MN1: variants seen among roughly 807,000 people sequenced by gnomAD.
MN1 encodes the protein MN1 proto-oncogene, transcriptional regulator.
In MN1, 19 loss-of-function variants were observed where a neutral mutation model predicts 86.9. The observed-to-expected ratio is 0.22, with a 90% confidence interval of 0.15 to 0.32. MN1 has a LOEUF of 0.32. MN1 is among the 10% of genes least tolerant of loss of function. The probability of loss-of-function intolerance (pLI) is 1.00; values close to 1 mark genes in which losing one functional copy is unlikely to be tolerated. For missense variants in MN1, 1,841 were observed against 1,862.0 expected (o/e 0.99, Z 0.21); for synonymous variants, 928 against 849.6 (o/e 1.09, Z -1.60).
Position 27,797,568 on chromosome 22 carries a change from G to A in MN1, c.2976C>T (p.Gly992=), listed in dbSNP as rs532575594. 7 of 1,604,746 alleles carry A rather than the reference G, an allele frequency of 4.4e-6. No homozygotes were observed. In the East Asian group the frequency reaches 9.0e-5, roughly 21 times the overall value. The change falls in exon 1 of 2, where the codon GGC becomes GGT. Residue 992 remains glycine (G), a synonymous_variant. Coordinates refer to ENST00000302326, the MANE Select transcript of MN1 (RefSeq NM_002430.3). ...GGGGCGTCGGTGCCCCGCGCGTCTC[G>A]CCTGCGGAGCTTCCCCCGACGGCTG... The part of the protein sequence containing the change: ...SGAAVGGSSA[G]ETRGAPTPHE...
At chr22:27,774,534 G>A (rs943872852) in intron 1 of MN1, among the ~76,000 whole-genome samples, 4 of 152,304 alleles carry the variant, frequency 2.6e-5, no homozygotes, top group East Asian at 1.9e-4. Flanking sequence ...GGCTATCCAC[G>A]GAGGTGTTGA....
chr22:27,786,170 G>A (rs1007330967), intron 1 of MN1, among the ~76,000 whole-genome samples: 2 of 152,182 alleles, frequency 1.3e-5, no homozygotes, highest in African/African-American at 4.8e-5. Context: ...TTTTTGAGTG[G>A]AATTTTAGCC....
intron 1 of MN1, among the ~76,000 whole-genome samples, chr22:27,795,740 C>T (rs183664430): frequency 6.3e-4 from 95 of 151,982 alleles, no homozygotes; most frequent in African/African-American, 1.8e-3. Context: ...CACACACACA[C>T]GCACTTTATA....
chr22:27,773,508 C>G (rs891494367), intron 1 of MN1, among the ~76,000 whole-genome samples: 1 of 152,210 alleles, frequency 6.6e-6, no homozygotes, highest in Non-Finnish European at 1.5e-5. Flanking sequence ...CTCACGTGCT[C>G]GCCGCACTTA....
chr22:27,780,215 G>A (rs559596845), intron 1 of MN1, among the ~76,000 whole-genome samples: 15 of 152,054 alleles, frequency 9.9e-5, no homozygotes, highest in African/African-American at 2.7e-4. Context: ...CCTGGCTCCC[G>A]GCCACACTTT....
rs774495708 is a variant in MN1, at chr22:27,800,304, T to C, written c.240A>G (p.Ala80=). ...GCACAGGCTGCGCTTGCAGCCCCCC[T>C]GCGTGCAACTCCGAGTGGCCGCGCG... The part of the protein sequence containing the change: ...FHARGHSELH[A]GGLQAQPVHG... Residue 80 remains alanine, a synonymous_variant, in exon 1 of 2, where the codon GCA becomes GCG. Transcript: ENST00000302326. 2.5e-4 allele frequency: 387 copies of C among 1,576,868 alleles called. No homozygotes were observed. Among genetic ancestry groups the C allele is most frequent in the Non-Finnish European group, 3.2e-4 (373 of 1,161,658 alleles).
intron 1 of MN1, among the ~76,000 whole-genome samples, chr22:27,784,181 G>A (rs1185943445): frequency 6.6e-6 from 1 of 152,186 alleles, no homozygotes; most frequent in Admixed American, 6.5e-5. Context: ...ACAGAAGCCA[G>A]GAGCAGGGGA....
chr22:27,769,552 A>ATTTTTTTGTTTTTTTT (rs1932897016), intron 1 of MN1, among the ~76,000 whole-genome samples: 1 of 83,268 alleles, frequency 1.2e-5, no homozygotes, highest in Non-Finnish European at 2.1e-5. Flanking sequence ...AAGGATGCCA[A>ATTTTTTTGTTTTTTTT]TTTTTTTTTT....
intron 1 of MN1, among the ~76,000 whole-genome samples, chr22:27,757,589 G>A (rs186921498): frequency 9.3e-4 from 142 of 152,292 alleles, no homozygotes; most frequent in African/African-American, 3.1e-3. Flanking sequence ...GCTGGATTCC[G>A]ACAAAGGGAA....
chr22:27,768,803 C>T lies in MN1; in HGVS notation c.3782-17707G>A, dbSNP rs79038456. 5.1e-3 allele frequency among the ~76,000 whole-genome samples: 773 copies of T among 152,158 alleles called. 9 individuals carry two copies. The highest frequency in any genetic ancestry group is 0.018 in the African/African-American group (748 of 41,496). On this transcript the variant is annotated intron_variant, in intron 1 of 1. Coordinates refer to ENST00000302326, the MANE Select transcript of MN1 (RefSeq NM_002430.3). ...CCTGGGCCACACAGTGTGACTCTGT[C>T]TCTAAAAATAATTAATTAATTAATT...
At position 27,797,060 on chromosome 22, in the gene MN1, G is replaced by A. The variant is rs762639138; in HGVS notation, c.3484C>T (p.Leu1162=). 1.4e-5 allele frequency: 22 copies of A among 1,612,250 alleles called. No individual in the cohort carries two copies. Among genetic ancestry groups the A allele is most frequent in the Non-Finnish European group, 1.7e-5 (20 of 1,179,658 alleles). Residue 1162 remains leucine (L), a synonymous_variant, in exon 1 of 2, where the codon CTA becomes TTA. Coordinates refer to ENST00000302326, the MANE Select transcript of MN1 (RefSeq NM_002430.3). ...PLEILQAQIQ[L]QRQQFSISED... The stretch of plus-strand genomic sequence containing the variant: ...GAGATGCTGAACTGCTGCCTCTGTA[G>A]CTGGATCTGCGCCTGAAGGATCTCC...
intron 1 of MN1, among the ~76,000 whole-genome samples, chr22:27,785,457 A>G (rs1933117035): frequency 6.6e-6 from 1 of 152,188 alleles, no homozygotes; most frequent in Non-Finnish European, 1.5e-5. Flanking sequence ...TAAAAATGCA[A>G]TACTTTTTCT....
intron 1 of MN1, among the ~76,000 whole-genome samples, chr22:27,774,377 C>G (rs564385947): frequency 3.7e-4 from 57 of 152,306 alleles, no homozygotes; most frequent in South Asian, 2.9e-3. Flanking sequence ...ACTGAAGAAG[C>G]TGGCATTTCC....
At chr22:27,777,819 T>C (rs1253389807) in intron 1 of MN1, among the ~76,000 whole-genome samples, 1 of 150,244 alleles carries the variant, frequency 6.7e-6, no homozygotes, top group Non-Finnish European at 1.5e-5. Flanking sequence ...GAGGATGCAA[T>C]GAGCCGAGAT....
At chr22:27,778,886 C>T (rs1454145230) in intron 1 of MN1, among the ~76,000 whole-genome samples, 1 of 152,198 alleles carries the variant, frequency 6.6e-6, no homozygotes, top group African/African-American at 2.4e-5. Flanking sequence ...GCAAATGCAA[C>T]CTACGAAAGC....
At chr22:27,770,241 G>A (rs1329154480) in intron 1 of MN1, among the ~76,000 whole-genome samples, 1 of 152,212 alleles carries the variant, frequency 6.6e-6, no homozygotes, top group Non-Finnish European at 1.5e-5. Context: ...GTGTAACCTG[G>A]ATTTTAGAAC....
chr22:27,796,983 G>A lies in MN1; in HGVS notation c.3561C>T (p.Val1187=), dbSNP rs756178223. 1.2e-6 allele frequency: 2 copies of A among 1,612,250 alleles called. No individual in the cohort carries two copies. Among genetic ancestry groups the A allele is most frequent in the Non-Finnish European group, 1.7e-6 (2 of 1,179,632 alleles). ...CGCCATTCTGCGCCCCTGAGGCCCCGACGGCGCACTCACCCTTCTTGCCAC... is the reference window on the plus strand; with the variant it reads ...CGCCATTCTGCGCCCCTGAGGCCCCAACGGCGCACTCACCCTTCTTGCCAC... The part of the protein sequence containing the change: ...LKGGKKGECA[V]GASGAQNGDS... Residue 1187 remains valine, a synonymous_variant, in exon 1 of 2, where the codon GTC becomes GTT. Coordinates refer to ENST00000302326, the MANE Select transcript of MN1 (RefSeq NM_002430.3).
rs895227617 is a variant in MN1 at position 27,749,251 on chromosome 22, A to G, written c.*1664T>C. The G allele has an allele frequency of 4.8e-5, 11 of 230,960 alleles. No homozygotes were observed. The highest frequency in any genetic ancestry group is 2.2e-4 in the African/African-American group (10 of 45,248). 14.3% of individuals were successfully genotyped at this position (230,960 alleles called of 1,614,324 possible). A position where few individuals can be genotyped will look rare whatever the true frequency, so the allele number is the denominator to read the frequency against. ...GCTGAAAAGTTCTTTGAAATAAACA[A>G]CGTGGGTGTTGTATGGTGAGCCCAG... On this transcript the variant is annotated 3_prime_UTR_variant, in exon 2 of 2. Transcript: ENST00000302326.
chr22:27,792,231 G>A (rs1197191345), intron 1 of MN1, among the ~76,000 whole-genome samples: 1 of 149,898 alleles, frequency 6.7e-6, no homozygotes, highest in Non-Finnish European at 1.5e-5. Flanking sequence ...CTTATTTCCG[G>A]TCTGAAGGGG....
Sources: allele counts gnomAD v4.1 joint callset (sites outside exome capture counted in the v4.1 genomes callset), GRCh38; gene constraint gnomAD v4.1.1; transcripts MANE v1.5; gene names NCBI Gene and HGNC (gene_info 2026-07-23, HGNC 2026-07-21).